Variants in LYPD5 observed in about 807,000 individuals in gnomAD.
LYPD5 encodes LY6/PLAUR domain containing 5, also known as ly6/PLAUR domain-containing protein 5.
A neutral mutation model predicts 19.1 loss-of-function variants in LYPD5; 21 were observed. The ratio of observed to expected loss-of-function variants is 1.10; its 90% CI spans 0.78 to 1.58. LYPD5 has a LOEUF of 1.58. LYPD5 is among the 40% of genes most tolerant of loss of function. The probability of loss-of-function intolerance (pLI) is 0.00; values close to 1 mark genes in which losing one functional copy is unlikely to be tolerated. For missense variants in LYPD5, 287 were observed against 329.8 expected (o/e 0.87, Z 1.00); for synonymous variants, 128 against 142.7 (o/e 0.90, Z 0.74).
intron 1 of LYPD5, among the ~76,000 whole-genome samples, chr19:43,812,378 A>ATCAATCT (rs1568406587): frequency 3.6e-5 from 2 of 54,970 alleles, no homozygotes; most frequent in Non-Finnish European, 8.1e-5. Context: ...TCTATCTATC[A>ATCAATCT]ATCTATCATC....
intron 1 of LYPD5, among the ~76,000 whole-genome samples, chr19:43,813,761 C>G (rs551652312): frequency 6.6e-6 from 1 of 152,324 alleles, no homozygotes; most frequent in Non-Finnish European, 1.5e-5. Flanking sequence ...AATCTTGGCT[C>G]ATTGCAACCT....
upstream of LYPD5, among the ~76,000 whole-genome samples, chr19:43,804,248 G>C (rs1970252659): frequency 6.6e-6 from 1 of 152,130 alleles, no homozygotes; most frequent in Non-Finnish European, 1.5e-5. Context: ...AAATCATCAA[G>C]GGAGATAGCA....
chr19:43,797,196 C>T lies in LYPD5; in HGVS notation c.*395G>A, dbSNP rs1970142251. 1.2e-5 allele frequency: 2 copies of T among 173,682 alleles called. No homozygotes were observed. The highest frequency in any genetic ancestry group is 4.8e-5 in the African/African-American group (2 of 42,092). 10.8% of individuals were successfully genotyped at this position (173,682 alleles called of 1,614,324 possible). A position where few individuals can be genotyped will look rare whatever the true frequency, so the allele number is the denominator to read the frequency against. On this transcript the variant is annotated 3_prime_UTR_variant, in exon 5 of 5. Transcript: ENST00000377950. Reference sequence around the variant, plus strand: ...GCCTACTAACTGTTAGGGCATACTGCTTATTGGGCTTCTCATGATGACACT... The same window carrying T: ...GCCTACTAACTGTTAGGGCATACTGTTTATTGGGCTTCTCATGATGACACT...
intron 1 of LYPD5, among the ~76,000 whole-genome samples, chr19:43,816,310 C>T (rs867237305): frequency 8.3e-4 from 127 of 152,244 alleles, no homozygotes; most frequent in Middle Eastern, 6.8e-3. Context: ...ACTATGGCTT[C>T]TACAGTGATT....
chr19:43,799,656 C>G (rs1194930561), intron 2 of LYPD5, 50 bp downstream of exon 2: 5 of 1,564,494 alleles, frequency 3.2e-6, no homozygotes, highest in Admixed American at 3.8e-5. Flanking sequence ...CCTCTCCCCC[C>G]TTTTTCCTCC....
intron 1 of LYPD5, among the ~76,000 whole-genome samples, chr19:43,809,679 A>T (rs1422534763): frequency 6.6e-6 from 1 of 152,246 alleles, no homozygotes; most frequent in East Asian, 1.9e-4. Flanking sequence ...GGCGTGAGCC[A>T]CTGTGCCTGG....
At chr19:43,812,385 CATCT>C (rs935741396) in intron 1 of LYPD5, among the ~76,000 whole-genome samples, 16 of 97,946 alleles carry the variant, frequency 1.6e-4, no homozygotes, top group African/African-American at 4.8e-4. Context: ...ATCAATCTAT[CATCT>C]ATCTATCCAT....
At chr19:43,804,837 G>C (rs978420632), upstream of LYPD5, among the ~76,000 whole-genome samples, 1 of 152,206 alleles carries the variant, frequency 6.6e-6, no homozygotes, top group Non-Finnish European at 1.5e-5. Flanking sequence ...AGCCCCCGTG[G>C]AAGGTGGAGG....
chr19:43,798,952 C>A lies in LYPD5; in HGVS notation c.230G>T (p.Cys77Phe). 6.3e-7 allele frequency: 1 copy of A among 1,586,384 alleles called. No homozygotes were observed. The highest frequency in any genetic ancestry group is 8.6e-7 in the Non-Finnish European group (1 of 1,167,106). ...CTGGCCCGCAGGAGGCCCGGTCCAG[C>A]AGCCCTTCCGCACCAGGGTCACCGG... Reference protein sequence around the residue: ...RAPVTLVRKGCWTGPPAGQTQ... With the variant: ...RAPVTLVRKGFWTGPPAGQTQ... The change falls in exon 3 of 5, where the codon TGC becomes TTC. Residue 77 changes from cysteine to phenylalanine, a missense_variant. Physicochemically the swap from Cys to Phe is radical, Grantham distance 205 (BLOSUM62 -2). Transcript: ENST00000377950.
chr19:43,803,505 CCA>C (rs1043748667), upstream of LYPD5, among the ~76,000 whole-genome samples: 11 of 152,244 alleles, frequency 7.2e-5, no homozygotes, highest in South Asian at 6.2e-4. Context: ...GTGCAGACAC[CCA>C]GAGTCTCAGA....
intron 1 of LYPD5, among the ~76,000 whole-genome samples, chr19:43,814,817 TG>T (rs1970356896): frequency 6.6e-6 from 1 of 152,238 alleles, no homozygotes; most frequent in South Asian, 2.1e-4. Context: ...TCTCTTACAA[TG>T]AATTAATACT....
chr19:43,820,541 C>T (rs1970410085), exon 1 of LYPD5: 1 of 152,228 alleles, frequency 6.6e-6, no homozygotes, highest in Admixed American at 6.5e-5. Context: ...CACCCTTACC[C>T]GCACTGCCGA....
chr19:43,797,293 G>C lies in LYPD5; in HGVS notation c.*298C>G. On this transcript the variant is annotated 3_prime_UTR_variant, in exon 5 of 5. Coordinates refer to ENST00000377950, the MANE Select transcript of LYPD5 (RefSeq NM_001031749.3). ...CTGGAGGGAGAGCACAGGAAGCCGT[G>C]TTATGGGGTGCCTGGTGCCTGGCTG... The C allele has an allele frequency of 2.6e-6, 1 of 385,206 alleles. No homozygotes were observed. The allele number at this position is 385,206 out of a possible 1,614,324, so 23.9% of individuals were successfully genotyped here.
intron 1 of LYPD5, among the ~76,000 whole-genome samples, chr19:43,811,673 G>GAGAAAGAAAGAAAGAAAGAA (rs757588163): frequency 3.2e-5 from 4 of 126,366 alleles, no homozygotes; most frequent in African/African-American, 1.2e-4. Context: ...GTGACAAAGG[G>GAGAAAGAAAGAAAGAAAGAA]AGAAAGAAAG....
chr19:43,813,311 C>CGT (rs1201450314), intron 1 of LYPD5, among the ~76,000 whole-genome samples: 4 of 151,886 alleles, frequency 2.6e-5, no homozygotes, highest in African/African-American at 9.7e-5. Context: ...GGAACTCCAC[C>CGT]GTCTCTCTCT....
intron 4 of LYPD5, among the ~76,000 whole-genome samples, chr19:43,798,051 C>CTGGGCATGGCCTCCTTCCT (rs1970158000): frequency 2.0e-5 from 3 of 150,452 alleles, no homozygotes; most frequent in Admixed American, 1.3e-4. Context: ...TTCCCTCAGA[C>CTGGGCATGGCCTCCTTCCT]CAGGGGCCAT....
At chr19:43,815,978 C>T (rs934974191) in intron 1 of LYPD5, among the ~76,000 whole-genome samples, 1 of 152,142 alleles carries the variant, frequency 6.6e-6, no homozygotes, top group African/African-American at 2.4e-5. Flanking sequence ...AAGCGATTCA[C>T]CCGCCTTGGC....
At chr19:43,804,123 C>A (rs1021854067), upstream of LYPD5, among the ~76,000 whole-genome samples, 4 of 152,182 alleles carry the variant, frequency 2.6e-5, no homozygotes, top group Admixed American at 2.6e-4. Context: ...CAGACGTGAG[C>A]CACTGTGCCC....
rs1321995760 is a variant in LYPD5 at position 43,796,750 on chromosome 19, C to T, written c.*841G>A. 2 of 152,210 alleles carry T rather than the reference C, an allele frequency of 1.3e-5. No homozygotes were observed. Among genetic ancestry groups the T allele is most frequent in the African/African-American group, 4.8e-5 (2 of 41,442 alleles). 9.4% of individuals were successfully genotyped at this position (152,210 alleles called of 1,614,324 possible). A position where few individuals can be genotyped will look rare whatever the true frequency, so the allele number is the denominator to read the frequency against. On this transcript the variant is annotated 3_prime_UTR_variant, in exon 5 of 5. Transcript: ENST00000377950. ...TGCTTTTGCCTCTCAGTTTGTTGAC[C>T]TGTGACTTAGGGCTTATGACAAGTA... is the stretch of plus-strand genomic sequence containing the variant.
Sources: gnomAD v4.1 joint callset for allele counts (sites outside exome capture counted in the v4.1 genomes callset) on GRCh38, gnomAD v4.1.1 for gene constraint, MANE v1.5 for transcripts, NCBI Gene and HGNC (gene_info 2026-07-23, HGNC 2026-07-21) for gene names.